Variants in WDFY4 observed in about 807,000 individuals in gnomAD.
WDFY4 encodes the protein WD repeat- and FYVE domain-containing protein 4.
In WDFY4, 169 loss-of-function variants were observed where a neutral mutation model predicts 351.9. The ratio of observed to expected loss-of-function variants is 0.48; its 90% CI spans 0.42 to 0.55. The LOEUF (loss-of-function observed/expected upper bound fraction) is 0.55. WDFY4 is among the 20% of genes least tolerant of loss of function. WDFY4 has a pLI of 0.00. For synonymous variants in WDFY4, 1,622 were observed against 1,574.6 expected, an observed-to-expected ratio of 1.03 and a Z score of -0.71; for missense variants, 3,803 against 3,935.6, an observed-to-expected ratio of 0.97 and a Z score of 0.90.
chr10:48,843,283 T>G (rs1017647010), intron 39 of WDFY4, among the ~76,000 whole-genome samples: 5 of 152,232 alleles, frequency 3.3e-5, no homozygotes, highest in African/African-American at 1.2e-4. Flanking sequence ...AGCCAGGCTG[T>G]GTTTATATGC....
intron 50 of WDFY4, among the ~76,000 whole-genome samples, chr10:48,946,398 T>G (rs548829722): frequency 6.6e-6 from 1 of 152,360 alleles, no homozygotes; most frequent in East Asian, 1.9e-4. Flanking sequence ...GATTCTAACA[T>G]GCAGCCTGGC....
At chr10:48,981,650 A>C (rs1237873969) in intron 61 of WDFY4, among the ~76,000 whole-genome samples, 172 bp downstream of exon 61, 1 of 152,206 alleles carries the variant, frequency 6.6e-6, no homozygotes, top group Non-Finnish European at 1.5e-5. Context: ...AGCCCCAGGA[A>C]ACGTTTTTCA....
intron 1 of WDFY4, among the ~76,000 whole-genome samples, chr10:48,690,934 C>A (rs2063176736): frequency 6.6e-6 from 1 of 152,180 alleles, no homozygotes; most frequent in African/African-American, 2.4e-5. Flanking sequence ...TTCAGGCCCT[C>A]CTTGGCTTGA....
At chr10:48,959,343 T>C (rs568574565) in intron 52 of WDFY4, among the ~76,000 whole-genome samples, 1 of 152,284 alleles carries the variant, frequency 6.6e-6, no homozygotes, top group Non-Finnish European at 1.5e-5. Flanking sequence ...GTGCTTAGAA[T>C]TTGCCAGCTT....
intron 39 of WDFY4, among the ~76,000 whole-genome samples, chr10:48,865,172 G>A (rs1310617195): frequency 1.3e-5 from 2 of 152,182 alleles, no homozygotes; most frequent in African/African-American, 4.8e-5. Context: ...TCACCACCAA[G>A]TATAATGTTG....
At chr10:48,738,009 G>C (rs1199840416) in intron 11 of WDFY4, among the ~76,000 whole-genome samples, 3 of 152,118 alleles carry the variant, frequency 2.0e-5, no homozygotes, top group Non-Finnish European at 4.4e-5. Context: ...TGCGCTGTTT[G>C]GTACATTTTC....
chr10:48,859,359 G>A lies in WDFY4; in HGVS notation c.6664-7906G>A, dbSNP rs190579004. 3.2e-3 allele frequency among the ~76,000 whole-genome samples: 492 copies of A among 152,242 alleles called. 3 individuals are homozygous for A. Among genetic ancestry groups the A allele is most frequent in the African/African-American group, 0.011 (464 of 41,542 alleles). ...ATAAGATGTTAGCTGTAGAGTTTTC[G>A]TAGATGCCCTTTATCAAGTTAAAAA... On this transcript the variant is annotated intron_variant, in intron 39 of 61. Transcript: ENST00000325239.
At chr10:48,892,835 G>T (rs1836882262) in intron 44 of WDFY4, among the ~76,000 whole-genome samples, 1 of 152,200 alleles carries the variant, frequency 6.6e-6, no homozygotes, top group Non-Finnish European at 1.5e-5. Context: ...ACTGGAATTT[G>T]CACTTTGCAC....
At chr10:48,844,514 C>A (rs1351648082) in intron 39 of WDFY4, among the ~76,000 whole-genome samples, 1 of 152,094 alleles carries the variant, frequency 6.6e-6, no homozygotes, top group African/African-American at 2.4e-5. Context: ...ATTGCTTGAA[C>A]CCTGGAGGCA....
chr10:48,978,325 A>T lies in WDFY4; in HGVS notation c.9308A>T (p.Asp3103Val). The T allele has an allele frequency of 6.4e-7, 1 of 1,551,388 alleles. No homozygotes were observed. The highest frequency in any genetic ancestry group is 8.7e-7 in the Non-Finnish European group (1 of 1,146,856). Reference sequence around the variant, plus strand: ...TTGGGGCAGGTTTGGAAGACTGAGGATGTGAAGATGTCTGTTCCTGGACGG... The same window carrying T: ...TTGGGGCAGGTTTGGAAGACTGAGGTTGTGAAGATGTCTGTTCCTGGACGG... ...DGMVRVWKTE[D>V]VKMSVPGRPA... The change falls in exon 60 of 62, where the codon GAT becomes GTT. Residue 3103 changes from aspartate to valine, a missense_variant. By Grantham distance (152) the Asp-to-Val change is radical. Coordinates refer to ENST00000325239, the MANE Select transcript of WDFY4 (RefSeq NM_001394531.1).
Position 48,788,014 on chromosome 10 carries a change from CTCCTTCTCCTTCTCCTTT to C in WDFY4, c.3809-508_3809-491del, listed in dbSNP as rs1335523352. Reference sequence around the variant, plus strand: ...TCTCCTTCTCCTTCTCCTTCTCCTTCTCCTTCTCCTTCTCCTTTTCCTTCTTCTTCTTCGACAGAGTCT... The same window carrying C: ...TCTCCTTCTCCTTCTCCTTCTCCTTCTCCTTCTTCTTCTTCGACAGAGTCT... On this transcript the variant is annotated intron_variant, in intron 20 of 61. Transcript: ENST00000325239. Among the ~76,000 whole-genome samples the C allele has an allele frequency of 1.8e-3, 266 of 144,088 alleles. 8 individuals are homozygous for C. The highest frequency in any genetic ancestry group is 6.3e-3 in the African/African-American group (239 of 37,830). The allele number at this position is 144,088 out of a possible 152,430, so 94.5% of individuals were successfully genotyped here.
At chr10:48,800,268 G>T (rs11101501) in intron 24 of WDFY4, among the ~76,000 whole-genome samples, 3 of 152,106 alleles carry the variant, frequency 2.0e-5, no homozygotes, top group Admixed American at 6.5e-5. Context: ...AGTTAAAATA[G>T]TAGTGGGAGA....
At chr10:48,827,007 G>A in intron 36 of WDFY4, 98 bp downstream of exon 36, 1 of 987,112 alleles carries the variant, frequency 1.0e-6, no homozygotes. Flanking sequence ...CTGTATAAAT[G>A]ATATCATCCT....
chr10:48,934,010 C>A (rs896809074), intron 47 of WDFY4, among the ~76,000 whole-genome samples: 1 of 152,102 alleles, frequency 6.6e-6, no homozygotes, highest in Non-Finnish European at 1.5e-5. Context: ...GCAGGGTGGA[C>A]AGCAGCTGTC....
At chr10:48,699,777 G>C (rs1467391765) in intron 1 of WDFY4, among the ~76,000 whole-genome samples, 1 of 152,134 alleles carries the variant, frequency 6.6e-6, no homozygotes, top group Non-Finnish European at 1.5e-5. Flanking sequence ...TACTCTCTGG[G>C]CTGAGAGGTG....
chr10:48,785,951 T>C (rs1309544994), intron 19 of WDFY4, among the ~76,000 whole-genome samples: 1 of 152,200 alleles, frequency 6.6e-6, no homozygotes, highest in Non-Finnish European at 1.5e-5. Flanking sequence ...GGAAATAATA[T>C]CTTTACTATA....
intron 47 of WDFY4, among the ~76,000 whole-genome samples, chr10:48,919,900 G>T (rs2663048): frequency 0.85 from 129,974 of 152,142 alleles, 58,294 homozygotes; most frequent in East Asian, 1. Context: ...GATTCTCAAC[G>T]TATTTTCTGA....
At chr10:48,807,230 G>A (rs1351653137) in intron 27 of WDFY4, among the ~76,000 whole-genome samples, 1 of 152,220 alleles carries the variant, frequency 6.6e-6, no homozygotes, top group Admixed American at 6.5e-5. Context: ...TGGGTAATGG[G>A]CCAAGAGTGA....
At chr10:48,892,256 A>G (rs1836846499) in intron 44 of WDFY4, among the ~76,000 whole-genome samples, 1 of 152,228 alleles carries the variant, frequency 6.6e-6, no homozygotes, top group Non-Finnish European at 1.5e-5. Flanking sequence ...GATCTTATTG[A>G]TTAGGTAAAT....
Sources: gnomAD v4.1 joint callset for allele counts (sites outside exome capture counted in the v4.1 genomes callset) on GRCh38, gnomAD v4.1.1 for gene constraint, MANE v1.5 for transcripts, NCBI Gene and HGNC (gene_info 2026-07-23, HGNC 2026-07-21) for gene names.